HDAC4: variants seen among roughly 807,000 people sequenced by gnomAD.
HDAC4 encodes the protein histone deacetylase A.
A neutral mutation model predicts 135.1 loss-of-function variants in HDAC4; 16 were observed. The observed-to-expected ratio is 0.12, with a 90% CI of 0.08 to 0.18. The LOEUF (loss-of-function observed/expected upper bound fraction) is 0.18, where lower values mean the gene tolerates loss of function less well. HDAC4 is among the 10% of genes least tolerant of loss of function. The pLI, the probability that HDAC4 is intolerant of heterozygous loss-of-function variation, is 1.00. For synonymous variants in HDAC4, 685 were observed against 653.4 expected (o/e 1.05, Z -0.74); for missense variants, 1,143 against 1,511.8 (o/e 0.76, Z 4.05).
chr2:239,092,152 T>G (rs2036577630), intron 17 of HDAC4, among the ~76,000 whole-genome samples: 1 of 150,482 alleles, frequency 6.6e-6, no homozygotes, highest in African/African-American at 2.5e-5. Context: ...GGCGGGAAGA[T>G]CACTTGAGCC....
At chr2:239,064,984 G>A (rs1334417133) in intron 24 of HDAC4, among the ~76,000 whole-genome samples, 6 of 152,232 alleles carry the variant, frequency 3.9e-5, no homozygotes, top group African/African-American at 1.4e-4. Flanking sequence ...CGAGCGCCGT[G>A]CTTAACTACA....
intron 1 of HDAC4, among the ~76,000 whole-genome samples, chr2:239,381,653 G>C (rs1695424312): frequency 6.6e-6 from 1 of 152,234 alleles, no homozygotes; most frequent in South Asian, 2.1e-4. Flanking sequence ...AAATGCTCAT[G>C]TTCTGGACTT....
chr2:239,397,405 G>T lies in HDAC4; in HGVS notation c.-220+3573C>A, dbSNP rs116865636. ...TCAGCTACGGGAGCACGTGACAGCT[G>T]CTCGTGGCATCATCTCCTTGCTCCA... is the stretch of plus-strand genomic sequence containing the variant. On this transcript the variant is annotated intron_variant, in intron 1 of 26. Coordinates refer to ENST00000543185, the MANE Select transcript of HDAC4 (RefSeq NM_001378414.1). Among the ~76,000 whole-genome samples the T allele has an allele frequency of 1.6e-3, 250 of 152,318 alleles. 5 individuals are homozygous for T. The East Asian group carries it at 0.041, about 25-fold the overall frequency.
chr2:239,299,860 C>G lies in HDAC4; in HGVS notation c.22+52818G>C, dbSNP rs985548360. Among the ~76,000 whole-genome samples, 1 of 152,194 alleles carries G rather than the reference C, an allele frequency of 6.6e-6. No individual in the cohort carries two copies. Reference sequence around the variant, plus strand: ...AACCAGCAACAGAGCGGAGAGCCTGCAGGGACGCAGCTGGGGACTAAGCAG... The same window carrying G: ...AACCAGCAACAGAGCGGAGAGCCTGGAGGGACGCAGCTGGGGACTAAGCAG... On this transcript the variant is annotated intron_variant, in intron 2 of 26. Transcript: ENST00000543185. This position sits in a 1 kb window ranked among gnomAD's most constrained non-coding sequence, Gnocchi z 4.0.
At chr2:239,151,817 G>C (rs1409163349) in intron 7 of HDAC4, among the ~76,000 whole-genome samples, 3 of 152,228 alleles carry the variant, frequency 2.0e-5, no homozygotes, top group Non-Finnish European at 4.4e-5. Flanking sequence ...CCACAGCCCA[G>C]GCCAGCAGCC....
chr2:239,358,732 A>G (rs1391017960), intron 1 of HDAC4, among the ~76,000 whole-genome samples: 1 of 152,210 alleles, frequency 6.6e-6, no homozygotes, highest in East Asian at 1.9e-4. Context: ...TTTATTAAAT[A>G]TCTTTCTAAC....
chr2:239,134,135 G>A (rs1048868396), intron 11 of HDAC4, 110 bp downstream of exon 11: 5 of 812,654 alleles, frequency 6.2e-6, no homozygotes, highest in Non-Finnish European at 1.0e-5. Context: ...AACTGTGGGG[G>A]TGGGACAGGC....
chr2:239,278,532 G>A (rs537912403), intron 2 of HDAC4, among the ~76,000 whole-genome samples: 51 of 152,266 alleles, frequency 3.3e-4, no homozygotes, highest in African/African-American at 2.2e-4. Context: ...AAAATTAGCC[G>A]GGCATGGTGA....
At chr2:239,121,448 T>C (rs917643986) in intron 12 of HDAC4, among the ~76,000 whole-genome samples, 1 of 152,174 alleles carries the variant, frequency 6.6e-6, no homozygotes, top group African/African-American at 2.4e-5. Context: ...GGCAGCCGCG[T>C]CTACCGTGCT....
At chr2:239,286,786 G>A (rs1406120030) in intron 2 of HDAC4, among the ~76,000 whole-genome samples, 1 of 152,154 alleles carries the variant, frequency 6.6e-6, no homozygotes, top group Non-Finnish European at 1.5e-5. Context: ...GGCCAAGGAT[G>A]AGAAGAATAC....
At chr2:239,268,006 C>T (rs1247461853) in intron 2 of HDAC4, among the ~76,000 whole-genome samples, 1 of 152,364 alleles carries the variant, frequency 6.6e-6, no homozygotes, top group Middle Eastern at 3.4e-3. Context: ...TACTTGAATT[C>T]CAGGCATAAA....
intron 2 of HDAC4, among the ~76,000 whole-genome samples, chr2:239,244,498 G>A (rs1009645066): frequency 1.3e-5 from 2 of 152,116 alleles, no homozygotes; most frequent in Admixed American, 6.5e-5. Context: ...TTTGGGTTTG[G>A]GGCCATCATG....
chr2:239,067,904 G>A (rs2033728888), intron 23 of HDAC4, among the ~76,000 whole-genome samples: 1 of 152,178 alleles, frequency 6.6e-6, no homozygotes, highest in African/African-American at 2.4e-5. Flanking sequence ...CAGGATCCTC[G>A]GGGACTCCAG....
chr2:239,339,683 C>T (rs865838634), intron 2 of HDAC4, among the ~76,000 whole-genome samples: 19 of 152,200 alleles, frequency 1.2e-4, no homozygotes, highest in Non-Finnish European at 1.6e-4. Context: ...AATCTCCTGG[C>T]TAAGGCATTA....
intron 7 of HDAC4, among the ~76,000 whole-genome samples, chr2:239,149,404 A>T (rs2041969040): frequency 6.6e-6 from 1 of 152,112 alleles, no homozygotes; most frequent in Non-Finnish European, 1.5e-5. Flanking sequence ...AAATAAAAAG[A>T]TAATTCTAAA....
intron 9 of HDAC4, among the ~76,000 whole-genome samples, chr2:239,138,979 C>T (rs2041162374): frequency 1.3e-5 from 2 of 152,188 alleles, no homozygotes; most frequent in African/African-American, 4.8e-5. Flanking sequence ...ATCTTTCCCA[C>T]CTAGGGACTC....
chr2:239,297,404 T>C (rs909459309), intron 2 of HDAC4, among the ~76,000 whole-genome samples: 1 of 152,232 alleles, frequency 6.6e-6, no homozygotes, highest in Admixed American at 6.5e-5. Context: ...CGCTAGAAGA[T>C]GGGACCCAGA....
rs1484636920 is a variant in HDAC4 at position 239,302,211 on chromosome 2, C to G, written c.22+50467G>C. ...TTAGAACTCTGTCCTGATTGGAGAACATGGCCCCTTGTGATGGACAGGCAG... is the reference window on the plus strand; with the variant it reads ...TTAGAACTCTGTCCTGATTGGAGAAGATGGCCCCTTGTGATGGACAGGCAG... On this transcript the variant is annotated intron_variant, in intron 2 of 26. Transcript: ENST00000543185. Among the ~76,000 whole-genome samples, 28 of 152,172 alleles carry G rather than the reference C, an allele frequency of 1.8e-4. 1 individual carries two copies. Among genetic ancestry groups the G allele is most frequent in the Non-Finnish European group, 4.1e-4 (28 of 68,032 alleles).
intron 2 of HDAC4, among the ~76,000 whole-genome samples, chr2:239,254,462 G>C (rs1445451422): frequency 2.0e-5 from 3 of 151,570 alleles, no homozygotes; most frequent in Non-Finnish European, 4.4e-5. Flanking sequence ...TATCATGAAG[G>C]AAAAAAACCT....
Sources: allele counts gnomAD v4.1 joint callset (sites outside exome capture counted in the v4.1 genomes callset), GRCh38; gene constraint gnomAD v4.1.1; non-coding constraint Gnocchi (gnomAD v3.1); transcripts MANE v1.5; gene names NCBI Gene and HGNC (gene_info 2026-07-23, HGNC 2026-07-21).